VWA8: variants seen among roughly 807,000 people sequenced by gnomAD.
VWA8 encodes von Willebrand factor A domain-containing protein 8.
Under a neutral mutation model 241.5 loss-of-function variants are expected in VWA8, and 221 were observed. The observed-to-expected ratio is 0.91, with a 90% CI of 0.82 to 1.02. The LOEUF (loss-of-function observed/expected upper bound fraction) is 1.02, where lower values mean the gene tolerates loss of function less well. Ranked by LOEUF, VWA8 falls within the 50% of genes least tolerant of loss-of-function variation. The pLI, the probability that VWA8 is intolerant of heterozygous loss-of-function variation, is 0.00. For synonymous variants in VWA8, 852 were observed against 827.1 expected (o/e 1.03, Z -0.52); for missense variants, 2,322 against 2,328.7 (o/e 1.00, Z 0.06).
intron 43 of VWA8, among the ~76,000 whole-genome samples, chr13:41,575,324 G>A (rs1196407461): frequency 2.6e-5 from 4 of 152,014 alleles, no homozygotes; most frequent in African/African-American, 4.8e-5. Context: ...TATACTGCTC[G>A]GGTGATGGGT....
rs1017288331 is a variant in VWA8, at chr13:41,902,149, G to A, written c.483+5437C>T. On this transcript the variant is annotated intron_variant, in intron 4 of 44. Transcript: ENST00000379310. ...CCTGAATAACCAATAATATAAAAAGGTAGAAAAAATAGGAATGTTAAATAA... is the reference window on the plus strand; with the variant it reads ...CCTGAATAACCAATAATATAAAAAGATAGAAAAAATAGGAATGTTAAATAA... Among the ~76,000 whole-genome samples the A allele has an allele frequency of 2.6e-5, 4 of 151,736 alleles. No homozygotes were observed. In the East Asian group the frequency reaches 7.7e-4, roughly 29 times the overall value.
chr13:41,620,433 T>G (rs532317695), intron 37 of VWA8, among the ~76,000 whole-genome samples: 1 of 152,320 alleles, frequency 6.6e-6, no homozygotes, highest in East Asian at 1.9e-4. Context: ...CCTGGATTCA[T>G]TGATTTTTTG....
chr13:41,863,780 A>T (rs969784311), intron 12 of VWA8, among the ~76,000 whole-genome samples: 8 of 152,116 alleles, frequency 5.3e-5, no homozygotes, highest in Non-Finnish European at 1.0e-4. Flanking sequence ...ACACATGGAC[A>T]TAAAGATGGG....
intron 2 of VWA8, among the ~76,000 whole-genome samples, chr13:41,922,175 A>G (rs926746784): frequency 6.6e-6 from 1 of 152,212 alleles, no homozygotes; most frequent in East Asian, 1.9e-4. Flanking sequence ...CAAAAACAAG[A>G]AATGGGGAAA....
At chr13:41,601,317 T>G (rs186220523) in intron 40 of VWA8, among the ~76,000 whole-genome samples, 2 of 152,264 alleles carry the variant, frequency 1.3e-5, no homozygotes, top group Admixed American at 1.3e-4. Context: ...GGACACTATC[T>G]TATCAATCTC....
intron 17 of VWA8, among the ~76,000 whole-genome samples, chr13:41,799,782 A>G (rs1315323542): frequency 6.6e-6 from 1 of 152,172 alleles, no homozygotes; most frequent in Non-Finnish European, 1.5e-5. Context: ...CTATTGAGAT[A>G]TAATTCAGAT....
intron 28 of VWA8, 150 bp downstream of exon 28, chr13:41,701,242 T>C (rs890256214): frequency 1.0e-6 from 1 of 978,030 alleles, no homozygotes; most frequent in Non-Finnish European, 1.4e-6. Context: ...TTAGAGGAAA[T>C]TAGTTCTAAA....
At chr13:41,901,108 AT>A (rs34752001) in intron 4 of VWA8, among the ~76,000 whole-genome samples, 6,313 of 123,530 alleles carry the variant, frequency 0.051, 143 homozygotes, top group East Asian at 0.12. Context: ...CATGATCATC[AT>A]TTTTTTTTTT....
At position 41,706,234 on chromosome 13, in the gene VWA8, A is replaced by C. The variant is rs1380059155; in HGVS notation, c.3117-2823T>G. Among the ~76,000 whole-genome samples the C allele has an allele frequency of 2.0e-5, 3 of 152,344 alleles. No homozygotes were observed. In the East Asian group the frequency reaches 5.8e-4, roughly 29 times the overall value. On this transcript the variant is annotated intron_variant, in intron 26 of 44. Transcript: ENST00000379310. ...TTGAACTTGCCAACTCATTCTAAGT[A>C]AGTCATGGAAATTATATGTTGTCTG...
chr13:41,747,903 T>C (rs1180996197), intron 21 of VWA8, among the ~76,000 whole-genome samples: 1 of 152,204 alleles, frequency 6.6e-6, no homozygotes. Context: ...ATTACGTTTA[T>C]TGATTTGTGT....
At chr13:41,647,975 C>T (rs559809583) in intron 37 of VWA8, among the ~76,000 whole-genome samples, 2 of 151,414 alleles carry the variant, frequency 1.3e-5, no homozygotes, top group South Asian at 2.1e-4. Context: ...GGCGAAGGAG[C>T]GAGACTTTGT....
chr13:41,774,935 A>G lies in VWA8; in HGVS notation c.2349+3050T>C, dbSNP rs528734904. ...TGGGTACCCAGCTTATTACTTTTCC[A>G]TGATGCCACATTGCCACTCTGAGGT... On this transcript the variant is annotated intron_variant, in intron 20 of 44. Transcript: ENST00000379310. Among the ~76,000 whole-genome samples the G allele has an allele frequency of 1.8e-3, 267 of 152,342 alleles. 2 individuals carry two copies. Among genetic ancestry groups the G allele is most frequent in the African/African-American group, 5.9e-3 (245 of 41,570 alleles).
chr13:41,678,617 T>C (rs1232425412), intron 35 of VWA8, among the ~76,000 whole-genome samples: 1 of 152,256 alleles, frequency 6.6e-6, no homozygotes, highest in Non-Finnish European at 1.5e-5. Flanking sequence ...AGTATTAAGT[T>C]GAGCTACTGC....
intron 21 of VWA8, among the ~76,000 whole-genome samples, chr13:41,733,530 T>G (rs964590836): frequency 2.6e-5 from 4 of 152,172 alleles, no homozygotes; most frequent in African/African-American, 9.6e-5. Context: ...CTTTAGATAT[T>G]TGTTGTCACT....
At chr13:41,821,813 T>C (rs986321245) in intron 14 of VWA8, among the ~76,000 whole-genome samples, 2 of 152,176 alleles carry the variant, frequency 1.3e-5, no homozygotes, top group African/African-American at 4.8e-5. Flanking sequence ...TACTTTCTGA[T>C]GCTTCTCACC....
chr13:41,705,186 C>T (rs1255546555), intron 26 of VWA8, among the ~76,000 whole-genome samples: 3 of 151,464 alleles, frequency 2.0e-5, no homozygotes, highest in Non-Finnish European at 4.4e-5. Flanking sequence ...AGCACACACA[C>T]ACTTTTGAAT....
chr13:41,721,359 G>A lies in VWA8; in HGVS notation c.2964+11C>T, dbSNP rs183990331. On this transcript the variant is annotated intron_variant, in intron 25 of 44. Transcript: ENST00000379310. ...TGATGGCTCTTAGGTACAGGTGTGTGCCATACCTACCTGTAAATGTTTGAC... is the reference window on the plus strand; with the variant it reads ...TGATGGCTCTTAGGTACAGGTGTGTACCATACCTACCTGTAAATGTTTGAC... 6.2e-7 allele frequency: 1 copy of A among 1,611,536 alleles called. No homozygotes were observed. The highest frequency in any genetic ancestry group is 8.5e-7 in the Non-Finnish European group (1 of 1,177,912).
chr13:41,710,233 A>T (rs1242847736), intron 26 of VWA8, among the ~76,000 whole-genome samples: 5 of 152,118 alleles, frequency 3.3e-5, no homozygotes, highest in Non-Finnish European at 2.9e-5. Flanking sequence ...CAAATGATGC[A>T]CTCTACTTTG....
rs755511434 is a variant in VWA8, at chr13:41,886,825, T to G, written c.822A>C (p.Gln274His). 1 of 1,589,674 alleles carries G rather than the reference T, an allele frequency of 6.3e-7. No homozygotes were observed. The highest frequency in any genetic ancestry group is 1.7e-4 in the Middle Eastern group (1 of 6,018). ...CTCCAATTGAATATAACAACTTAAG[T>G]TGGTCCTAAAGTAATACAGAAACAT... ...RDIYYLPFKD[Q>H]LKLLYSIGAN... The change falls in exon 7 of 45, where the codon CAA (glutamine) becomes CAC (histidine). Residue 274 changes from glutamine to histidine, a missense_variant. Physicochemically the swap from Gln to His is conservative, Grantham distance 24. Transcript: ENST00000379310.
Sources: allele counts gnomAD v4.1 joint callset (sites outside exome capture counted in the v4.1 genomes callset), GRCh38; gene constraint gnomAD v4.1.1; transcripts MANE v1.5; gene names NCBI Gene and HGNC (gene_info 2026-07-23, HGNC 2026-07-21).